The following HTR2C variants were observed in gnomAD, a reference collection of about 807,000 sequenced individuals.
HTR2C encodes 5-hydroxytryptamine (serotonin) receptor 2C, G protein-coupled.
In HTR2C, 5 loss-of-function variants were observed where a neutral mutation model predicts 21.0. The ratio of observed to expected loss-of-function variants is 0.24; its 90% CI spans 0.12 to 0.50. HTR2C has a LOEUF of 0.50. Among genes scored for constraint, HTR2C ranks in the 20% least tolerant of loss-of-function variants. The probability of loss-of-function intolerance (pLI) is 0.98; values close to 1 mark genes in which losing one functional copy is unlikely to be tolerated. For missense variants in HTR2C, 271 were observed against 371.2 expected, an observed-to-expected ratio of 0.73 and a Z score of 2.22; for synonymous variants, 150 against 145.3, an observed-to-expected ratio of 1.03 and a Z score of -0.23.
intron 2 of HTR2C, among the ~76,000 whole-genome samples, chrX:114,701,903 C>T (rs1169701526): frequency 9.0e-5 from 10 of 111,721 alleles, no homozygotes; most frequent in East Asian, 5.6e-4. Flanking sequence ...TCAAGAACTA[C>T]GTGAAGAATG....
intron 5 of HTR2C, among the ~76,000 whole-genome samples, chrX:114,871,191 A>G (rs1447979020): frequency 1.8e-5 from 2 of 111,730 alleles, no homozygotes; most frequent in Non-Finnish European, 3.8e-5. Flanking sequence ...CCCACTGGTC[A>G]TTCAGGAGCA....
intron 4 of HTR2C, among the ~76,000 whole-genome samples, chrX:114,806,905 CACCATATGTATATACCATATATAT>C (rs1349308183): frequency 7.7e-5 from 7 of 90,700 alleles, no homozygotes; most frequent in South Asian, 5.8e-4. Context: ...TATATACACA[CACCATATGTATATACCATATATAT>C]ACCATATGTA....
chrX:114,725,207 G>T (rs781852675), intron 2 of HTR2C, among the ~76,000 whole-genome samples: 7 of 111,354 alleles, frequency 6.3e-5, no homozygotes, highest in South Asian at 7.6e-4. Context: ...TGGAGGCTTT[G>T]TTGGTTTCTT....
chrX:114,706,566 G>C lies in HTR2C; in HGVS notation c.-79-20292G>C, dbSNP rs1208851577. On this transcript the variant is annotated intron_variant, in intron 2 of 5. Coordinates refer to ENST00000276198, the MANE Select transcript of HTR2C (RefSeq NM_000868.4). Reference sequence around the variant, plus strand: ...CACACTCTGGGGACTGTGGTGGGGTGGGGGGAGGGGGGAGGGATAGCATTA... The same window carrying C: ...CACACTCTGGGGACTGTGGTGGGGTCGGGGGAGGGGGGAGGGATAGCATTA... Among the ~76,000 whole-genome samples, 126 of 71,104 alleles carry C rather than the reference G, an allele frequency of 1.8e-3. 1 individual carries two copies. Among genetic ancestry groups the C allele is most frequent in the Non-Finnish European group, 1.9e-3 (72 of 38,707 alleles). 61.7% of individuals were successfully genotyped at this position (71,104 alleles called of 115,157 possible).
At chrX:114,721,498 C>T (rs1556420741) in intron 2 of HTR2C, among the ~76,000 whole-genome samples, 1 of 92,674 alleles carries the variant, frequency 1.1e-5, no homozygotes, top group Non-Finnish European at 2.1e-5. Context: ...GTTTCTTTTG[C>T]TGTGCAGAAG....
intron 4 of HTR2C, among the ~76,000 whole-genome samples, chrX:114,807,539 G>A (rs1556451033): frequency 2.0e-5 from 2 of 98,230 alleles, no homozygotes; most frequent in African/African-American, 7.5e-5. Context: ...TATATATATG[G>A]TACATAAGAT....
chrX:114,793,149 G>C (rs1296250266), intron 4 of HTR2C, among the ~76,000 whole-genome samples: 1 of 110,956 alleles, frequency 9.0e-6, no homozygotes, highest in Non-Finnish European at 1.9e-5. Context: ...TTCAATTTTT[G>C]CTTTTGTTGC....
intron 5 of HTR2C, among the ~76,000 whole-genome samples, chrX:114,897,808 G>T (rs1556484434): frequency 8.9e-6 from 1 of 112,367 alleles, no homozygotes; most frequent in African/African-American, 3.2e-5. Flanking sequence ...ATCTATCATT[G>T]ATGGGCATTT....
chrX:114,655,569 TTTTACTATATTTTATGAAAATAATTTTA>T (rs1556409162), intron 2 of HTR2C, among the ~76,000 whole-genome samples: 1 of 111,879 alleles, frequency 8.9e-6, no homozygotes, highest in African/African-American at 3.2e-5. Context: ...AAGTGTATTT[TTTTACTATATTTTATGAAAATAATTTTA>T]CAGCTACCTC....
intron 4 of HTR2C, among the ~76,000 whole-genome samples, chrX:114,803,932 C>G (rs2070377355): frequency 1.8e-5 from 2 of 111,779 alleles, no homozygotes; most frequent in South Asian, 7.3e-4. Flanking sequence ...TGCTTATTCA[C>G]CTGCCTTTTC....
At position 114,621,029 on chromosome X, in the gene HTR2C, C is replaced by T. The variant is rs781899344; in HGVS notation, c.-80+7148C>T. ...CCATGTAGCTGGGACTACAGGCGTG[C>T]GCCACCATGCCTGGCTAATTTTTGT... On this transcript the variant is annotated intron_variant, in intron 2 of 5. Transcript: ENST00000276198. 4.2e-4 allele frequency among the ~76,000 whole-genome samples: 47 copies of T among 111,774 alleles called. No homozygotes were observed. The South Asian group carries it at 8.5e-3, about 20-fold the overall frequency.
intron 5 of HTR2C, among the ~76,000 whole-genome samples, chrX:114,857,416 A>G (rs907739150): frequency 1.4e-4 from 15 of 110,995 alleles, no homozygotes; most frequent in African/African-American, 4.9e-4. Context: ...AGTTTGCCAA[A>G]CCCTGGTCCT....
intron 5 of HTR2C, among the ~76,000 whole-genome samples, chrX:114,869,308 G>A (rs1335135786): frequency 1.8e-5 from 2 of 111,802 alleles, no homozygotes; most frequent in Admixed American, 1.9e-4. Flanking sequence ...ACATATGTGT[G>A]CATGTGTCTT....
At chrX:114,806,423 G>GTA (rs1297230313) in intron 4 of HTR2C, among the ~76,000 whole-genome samples, 2 of 36,707 alleles carry the variant, frequency 5.4e-5, no homozygotes, top group Non-Finnish European at 9.7e-5. Flanking sequence ...TATATATACT[G>GTA]TATATATATA....
In HTR2C at chrX:114,726,853, C is replaced by A; in HGVS notation, c.-79-5C>A. The A allele has an allele frequency of 1.7e-6, 1 of 582,911 alleles. No individual in the cohort carries two copies. 48.0% of individuals were successfully genotyped at this position (582,911 alleles called of 1,213,427 possible). On this transcript the variant is annotated splice_polypyrimidine_tract_variant and splice_region_variant and intron_variant, in intron 2 of 5. Transcript: ENST00000276198. ...ATTTTCTCTTTCTTCTTTTTCTCTC[C>A]CCAGAAAGGATGATATGATGAACCT...
intron 4 of HTR2C, among the ~76,000 whole-genome samples, chrX:114,836,294 C>A (rs5946187): frequency 8.4e-5 from 9 of 106,959 alleles, no homozygotes; most frequent in African/African-American, 2.6e-4. Context: ...GGCGGGCGCC[C>A]CTCCCCCAGC....
At chrX:114,603,390 A>G (rs183114369) in intron 1 of HTR2C, among the ~76,000 whole-genome samples, 2,218 of 109,460 alleles carry the variant, frequency 0.02, 62 homozygotes, top group African/African-American at 0.07. Context: ...CGCTGCATGC[A>G]GACATGAGGG....
chrX:114,611,070 C>T (rs1039743113), intron 1 of HTR2C, among the ~76,000 whole-genome samples: 3 of 111,752 alleles, frequency 2.7e-5, no homozygotes, highest in Admixed American at 9.5e-5. Context: ...TTTTTAATGA[C>T]GGAGCAGTAA....
At chrX:114,749,277 T>C (rs1248331898) in intron 4 of HTR2C, among the ~76,000 whole-genome samples, 1 of 107,259 alleles carries the variant, frequency 9.3e-6, no homozygotes, top group Non-Finnish European at 1.9e-5. Context: ...GGCAAAACCC[T>C]GTCTCTATAA....
Sources: allele counts gnomAD v4.1 joint callset (sites outside exome capture counted in the v4.1 genomes callset), GRCh38; gene constraint gnomAD v4.1.1; transcripts MANE v1.5; gene names NCBI Gene and HGNC (gene_info 2026-07-23, HGNC 2026-07-21).